The following KAZN variants were observed in gnomAD, a reference collection of about 807,000 sequenced individuals.
KAZN encodes the protein kazrin, periplakin interacting protein.
In KAZN, 40 loss-of-function variants were observed where a neutral mutation model predicts 87.4. That is an observed-to-expected ratio of 0.46 (90% CI 0.36 to 0.60). The LOEUF (loss-of-function observed/expected upper bound fraction) is 0.60. Ranked by LOEUF, KAZN falls within the 20% of genes least tolerant of loss-of-function variation. KAZN has a pLI of 0.00. For missense variants in KAZN, 898 were observed against 1,073.9 expected, an observed-to-expected ratio of 0.84 and a Z score of 2.29; for synonymous variants, 466 against 458.3, an observed-to-expected ratio of 1.02 and a Z score of -0.22.
At chr1:14,032,968 C>T (rs1454487383) in intron 1 of KAZN, among the ~76,000 whole-genome samples, 1 of 152,162 alleles carries the variant, frequency 6.6e-6, no homozygotes, top group Middle Eastern at 3.2e-3. Flanking sequence ...TTCCTGTGCC[C>T]TCTGCACCCT....
rs1654906223 is a variant in KAZN at position 14,306,115 on chromosome 1, G to A, written c.249+125523G>A. Among the ~76,000 whole-genome samples the A allele has an allele frequency of 2.0e-5, 3 of 152,162 alleles. No homozygotes were observed. In the South Asian group the frequency reaches 6.2e-4, roughly 32 times the overall value. ...TGTTGTGGCCCTGGGTGAGATGAAG[G>A]CAGACATCGTTAATGGAATGTGTTG... On this transcript the variant is annotated intron_variant, in intron 2 of 16. Transcript: ENST00000636203.
intron 2 of KAZN, among the ~76,000 whole-genome samples, chr1:14,316,154 T>C (rs1655644566): frequency 1.3e-5 from 2 of 152,086 alleles, no homozygotes; most frequent in South Asian, 4.1e-4. Context: ...TTAATGATAT[T>C]GTACATCTTT....
At chr1:14,968,037 C>A (rs58147447) in intron 2 of KAZN, among the ~76,000 whole-genome samples, 9,034 of 152,180 alleles carry the variant, frequency 0.059, 861 homozygotes, top group African/African-American at 0.2. Context: ...GCATTACATG[C>A]ACTACATTTC....
intron 1 of KAZN, among the ~76,000 whole-genome samples, chr1:14,811,063 A>G (rs1646393509): frequency 6.6e-6 from 1 of 152,074 alleles, no homozygotes; most frequent in African/African-American, 2.4e-5. Flanking sequence ...CACAATCCAA[A>G]TCTTTCAACC....
chr1:14,897,587 T>C (rs1400226070), intron 1 of KAZN, among the ~76,000 whole-genome samples: 1 of 151,558 alleles, frequency 6.6e-6, no homozygotes, highest in Non-Finnish European at 1.5e-5. Context: ...TTACTATAAA[T>C]AACATATTTT....
intron 1 of KAZN, among the ~76,000 whole-genome samples, chr1:14,750,757 C>T (rs1317789331): frequency 6.6e-6 from 1 of 152,174 alleles, no homozygotes; most frequent in Non-Finnish European, 1.5e-5. Flanking sequence ...CACATTTGAG[C>T]CCTGTGCTGC....
At chr1:14,465,813 T>C (rs912920865) in intron 2 of KAZN, among the ~76,000 whole-genome samples, 1 of 152,226 alleles carries the variant, frequency 6.6e-6, no homozygotes, top group Admixed American at 6.5e-5. Context: ...AAAAAATGTC[T>C]TATAATAATC....
chr1:14,915,990 C>T (rs1180865214), intron 1 of KAZN, among the ~76,000 whole-genome samples: 1 of 152,098 alleles, frequency 6.6e-6, no homozygotes. Context: ...GTGACTTGAC[C>T]TCTCTGTGTC....
chr1:14,755,896 A>G (rs1644550768), intron 1 of KAZN, among the ~76,000 whole-genome samples: 1 of 152,218 alleles, frequency 6.6e-6, no homozygotes, highest in South Asian at 2.1e-4. Flanking sequence ...CTGGAAGCAG[A>G]TGCCTTGAAG....
intron 13 of KAZN, 115 bp downstream of exon 13, chr1:15,104,304 G>A (rs933740748): frequency 8.3e-6 from 9 of 1,082,236 alleles, no homozygotes; most frequent in Admixed American, 2.9e-5. Flanking sequence ...CCTCCCACTC[G>A]TTCTTTGCAC....
chr1:15,060,106 C>T lies in KAZN; in HGVS notation c.917-66C>T, dbSNP rs536981197. ...GAACGGGGGTGTTGGGTGGAATAAC[C>T]GCCAAGGCAGCACAGGCGAGGACGT... On this transcript the variant is annotated intron_variant, in intron 5 of 14. Coordinates refer to ENST00000376030, the MANE Select transcript of KAZN (RefSeq NM_201628.3). The T allele has an allele frequency of 3.6e-4, 574 of 1,594,206 alleles. 11 individuals carry two copies. The South Asian group carries it at 5.9e-3, about 16-fold the overall frequency.
chr1:15,082,910 G>A (rs1471154316), intron 8 of KAZN, among the ~76,000 whole-genome samples: 4 of 152,070 alleles, frequency 2.6e-5, no homozygotes, highest in Admixed American at 6.5e-5. Flanking sequence ...GGCTGGTCTC[G>A]AACTCCTGAC....
intron 2 of KAZN, among the ~76,000 whole-genome samples, chr1:14,542,223 T>A (rs1368077925): frequency 1.4e-5 from 2 of 140,164 alleles, no homozygotes; most frequent in Non-Finnish European, 3.0e-5. Flanking sequence ...ATGTTCTCAC[T>A]CATAGGTGGG....
At chr1:14,787,310 C>T (rs189294636) in intron 1 of KAZN, among the ~76,000 whole-genome samples, 2,201 of 152,228 alleles carry the variant, frequency 0.014, 60 homozygotes, top group Admixed American at 0.067. Context: ...TCTCGTTACT[C>T]CCATGTTACA....
At chr1:14,078,521 T>C (rs1011428287) in intron 1 of KAZN, among the ~76,000 whole-genome samples, 5 of 152,212 alleles carry the variant, frequency 3.3e-5, no homozygotes, top group Non-Finnish European at 5.9e-5. Context: ...GGGGAACTTA[T>C]AAACAGCATA....
chr1:14,031,524 AG>A (rs1557794003), intron 1 of KAZN, among the ~76,000 whole-genome samples: 1 of 152,218 alleles, frequency 6.6e-6, no homozygotes, highest in African/African-American at 2.4e-5. Context: ...TGAATTTTCA[AG>A]GAAAATGAAA....
intron 1 of KAZN, among the ~76,000 whole-genome samples, chr1:14,027,912 T>C (rs1009609709): frequency 3.3e-5 from 5 of 152,088 alleles, no homozygotes; most frequent in African/African-American, 1.2e-4. Flanking sequence ...TAGAGAAGAG[T>C]CATTGGGCAT....
intron 1 of KAZN, among the ~76,000 whole-genome samples, chr1:14,903,292 G>A (rs775348871): frequency 1.3e-5 from 2 of 152,318 alleles, no homozygotes; most frequent in South Asian, 2.1e-4. Context: ...CCCAAACTAC[G>A]TTTCAAGAAA....
chr1:15,002,803 C>A (rs1026159463), intron 2 of KAZN, among the ~76,000 whole-genome samples: 1 of 151,864 alleles, frequency 6.6e-6, no homozygotes, highest in Non-Finnish European at 1.5e-5. Flanking sequence ...TGGTGAAACC[C>A]CGTCTCTACT....
Sources: gnomAD v4.1 joint callset for allele counts (sites outside exome capture counted in the v4.1 genomes callset) on GRCh38, gnomAD v4.1.1 for gene constraint, MANE v1.5 for transcripts, NCBI Gene and HGNC (gene_info 2026-07-23, HGNC 2026-07-21) for gene names.